The following CELF2 variants were observed in gnomAD, a reference collection of about 807,000 sequenced individuals.
CELF2 encodes CUG triplet repeat RNA-binding protein 2.
Under a neutral mutation model 62.6 loss-of-function variants are expected in CELF2, and 8 were observed. The observed-to-expected ratio is 0.13, with a 90% CI of 0.07 to 0.23. The LOEUF (loss-of-function observed/expected upper bound fraction) is 0.23. Ranked by LOEUF, CELF2 falls within the 10% of genes least tolerant of loss-of-function variation. The pLI is 1.00. For synonymous variants in CELF2, 258 were observed against 250.0 expected (o/e 1.03, Z -0.30); for missense variants, 333 against 671.0 (o/e 0.50, Z 5.56).
chr10:10,835,647 T>G (rs947159808), intron 1 of CELF2, among the ~76,000 whole-genome samples: 2 of 152,152 alleles, frequency 1.3e-5, no homozygotes, highest in African/African-American at 4.8e-5. Context: ...CCTCCTATAG[T>G]GCTGGGATTA....
intron 1 of CELF2, among the ~76,000 whole-genome samples, chr10:11,104,261 A>T (rs1160235097): frequency 3.9e-5 from 6 of 152,240 alleles, no homozygotes; most frequent in African/African-American, 9.6e-5. Flanking sequence ...AGAATCTATT[A>T]TAATCCTCTA....
intron 1 of CELF2, among the ~76,000 whole-genome samples, chr10:11,047,982 C>A (rs113296584): frequency 3.3e-5 from 5 of 152,228 alleles, no homozygotes; most frequent in African/African-American, 1.2e-4. Flanking sequence ...TAAAGATTCA[C>A]TCATTCATAA....
At chr10:10,860,858 A>T (rs2060009746) in intron 1 of CELF2, among the ~76,000 whole-genome samples, 1 of 152,188 alleles carries the variant, frequency 6.6e-6, no homozygotes, top group South Asian at 2.1e-4. Flanking sequence ...ACAGCCTGTG[A>T]TTTGCTAAAA....
At chr10:10,718,525 G>A in the CELF2 span, among the ~76,000 whole-genome samples, 6 of 151,792 alleles carry the variant, frequency 4.0e-5, no homozygotes, top group Non-Finnish European at 8.8e-5. Flanking sequence ...TTGGGAGGCG[G>A]AGACAGGAGA....
chr10:11,188,438 G>C (rs1406998395), intron 2 of CELF2, among the ~76,000 whole-genome samples: 4 of 152,168 alleles, frequency 2.6e-5, no homozygotes, highest in Non-Finnish European at 4.4e-5. Flanking sequence ...AGATTTCTAG[G>C]TGGACAGGAT....
At chr10:11,071,553 A>T (rs368736207) in intron 1 of CELF2, 19 of 152,316 alleles carry the variant, frequency 1.2e-4, no homozygotes, top group African/African-American at 4.6e-4. Context: ...TTTCCACTCA[A>T]AACCCAGATT....
the CELF2 span, among the ~76,000 whole-genome samples, chr10:10,653,129 C>A: frequency 6.6e-6 from 1 of 152,182 alleles, no homozygotes; most frequent in South Asian, 2.1e-4. Flanking sequence ...AAGGCCACTA[C>A]ATAATGGTAA....
the CELF2 span, among the ~76,000 whole-genome samples, chr10:10,538,539 T>C: frequency 6.6e-6 from 1 of 152,192 alleles, no homozygotes; most frequent in Admixed American, 6.5e-5. Flanking sequence ...AGCCATTATC[T>C]GTCCCTAGAG....
At chr10:10,556,098 T>C in the CELF2 span, among the ~76,000 whole-genome samples, 10 of 152,134 alleles carry the variant, frequency 6.6e-5, no homozygotes, top group Admixed American at 1.3e-4. Context: ...TAGTTACATA[T>C]GTATACATGT....
At chr10:11,035,431 C>G (rs533661000) in intron 1 of CELF2, among the ~76,000 whole-genome samples, 7 of 152,212 alleles carry the variant, frequency 4.6e-5, no homozygotes, top group South Asian at 2.1e-4. Context: ...AACTTTTCCC[C>G]GTTCTGGAAA....
At chr10:10,757,331 C>T in the CELF2 span, among the ~76,000 whole-genome samples, 2 of 146,386 alleles carry the variant, frequency 1.4e-5, no homozygotes, top group Non-Finnish European at 3.0e-5. Flanking sequence ...TTTTGGTGTT[C>T]ACCTGTAGTC....
intron 3 of CELF2, among the ~76,000 whole-genome samples, chr10:11,236,062 C>G (rs2071151943): frequency 6.6e-6 from 1 of 152,132 alleles, no homozygotes; most frequent in African/African-American, 2.4e-5. Flanking sequence ...GAGGTTGCAA[C>G]TTGCAGAGAG....
At chr10:10,703,750 A>C in the CELF2 span, among the ~76,000 whole-genome samples, 7 of 152,198 alleles carry the variant, frequency 4.6e-5, no homozygotes, top group African/African-American at 1.7e-4. Flanking sequence ...CTGAATCCCA[A>C]CATTACCCCT....
chr10:11,330,356 T>C lies in CELF2; in HGVS notation c.*1303T>C, dbSNP rs2095981498. 6.6e-6 allele frequency: 1 copy of C among 152,620 alleles called. No homozygotes were observed. Among genetic ancestry groups the C allele is most frequent in the Admixed American group, 6.5e-5 (1 of 15,280 alleles). The allele number at this position is 152,620 out of a possible 1,614,324, so 9.5% of individuals were successfully genotyped here. ...ATGGCTCGGAGACTCCCTAATGACC[T>C]AAGATTTGCATTAGTTTTTCTCCTG... is the stretch of plus-strand genomic sequence containing the variant. On this transcript the variant is annotated 3_prime_UTR_variant, in exon 13 of 13. Coordinates refer to ENST00000633077, the MANE Select transcript of CELF2 (RefSeq NM_001326342.2). This position sits in a 1 kb window ranked among gnomAD's most constrained non-coding sequence, Gnocchi z 4.5.
At chr10:10,662,824 C>T in the CELF2 span, among the ~76,000 whole-genome samples, 888 of 152,276 alleles carry the variant, frequency 5.8e-3, 2 homozygotes, top group Non-Finnish European at 8.2e-3. Flanking sequence ...GCACATTAAC[C>T]ACTTGCCGAA....
intron 4 of CELF2, among the ~76,000 whole-genome samples, chr10:11,253,262 G>T (rs935630089): frequency 3.3e-5 from 5 of 152,172 alleles, no homozygotes; most frequent in Non-Finnish European, 7.4e-5. Context: ...TTTGCTGGGG[G>T]TCTTTAACGC....
At chr10:10,645,177 C>T in the CELF2 span, among the ~76,000 whole-genome samples, 3 of 151,946 alleles carry the variant, frequency 2.0e-5, no homozygotes, top group African/African-American at 7.3e-5. Context: ...AGATTGAATC[C>T]CCCCTTGTTG....
chr10:10,939,774 G>A (rs1259288911), intron 2 of CELF2, among the ~76,000 whole-genome samples: 1 of 151,770 alleles, frequency 6.6e-6, no homozygotes, highest in Non-Finnish European at 1.5e-5. Flanking sequence ...CTAACACGGT[G>A]AAACCCCATC....
the CELF2 span, among the ~76,000 whole-genome samples, chr10:10,694,015 G>A: frequency 1.7e-4 from 25 of 149,782 alleles, no homozygotes; most frequent in African/African-American, 2.2e-4. Flanking sequence ...ATTTCCTTCA[G>A]TTCTGCTCTG....
Sources: gnomAD v4.1 joint callset for allele counts (sites outside exome capture counted in the v4.1 genomes callset) on GRCh38, gnomAD v4.1.1 for gene constraint, Gnocchi (gnomAD v3.1) non-coding constraint, MANE v1.5 for transcripts, NCBI Gene and HGNC (gene_info 2026-07-23, HGNC 2026-07-21) for gene names.